The following ACTN4 variants were observed in gnomAD, a reference collection of about 807,000 sequenced individuals.
The protein encoded by ACTN4 is actinin alpha 4, also known as alpha-actinin-4.
A neutral mutation model predicts 114.2 loss-of-function variants in ACTN4; 18 were observed. The observed-to-expected ratio is 0.16, with a 90% CI of 0.11 to 0.23. ACTN4 has a LOEUF of 0.23. Ranked by LOEUF, ACTN4 falls within the 10% of genes least tolerant of loss-of-function variation. ACTN4 has a pLI of 1.00. For missense variants in ACTN4, 722 were observed against 1,262.9 expected (o/e 0.57, Z 6.49); for synonymous variants, 515 against 506.3 (o/e 1.02, Z -0.23).
At chr19:38,690,559 T>G (rs1967891511) in intron 1 of ACTN4, among the ~76,000 whole-genome samples, 1 of 152,174 alleles carries the variant, frequency 6.6e-6, no homozygotes. Context: ...GCCAAGAATG[T>G]TAGGTCAGAG....
chr19:38,728,691 C>G (rs1219103430), intron 19 of ACTN4, among the ~76,000 whole-genome samples: 1 of 152,230 alleles, frequency 6.6e-6, no homozygotes, highest in Non-Finnish European at 1.5e-5. Flanking sequence ...AGAGCTTACT[C>G]GTGAGCCTGG....
chr19:38,685,019 C>G (rs1212783633), intron 1 of ACTN4, among the ~76,000 whole-genome samples: 1 of 152,184 alleles, frequency 6.6e-6, no homozygotes, highest in Non-Finnish European at 1.5e-5. Context: ...GATCTCAGCT[C>G]ACTGCAACCT....
intron 1 of ACTN4, among the ~76,000 whole-genome samples, chr19:38,663,874 G>A (rs1370074439): frequency 6.6e-6 from 1 of 152,186 alleles, no homozygotes; most frequent in Non-Finnish European, 1.5e-5. Flanking sequence ...GTGGGAGGGG[G>A]TGCCTTCTGA....
At chr19:38,725,668 G>A (rs1345850547) in intron 16 of ACTN4, 56 bp from the exon 17 acceptor site, 11 of 1,586,830 alleles carry the variant, frequency 6.9e-6, no homozygotes, top group Non-Finnish European at 9.4e-6. Context: ...TCCTCCAGGT[G>A]GTCAGTGGGG....
rs551799686 is a variant in ACTN4, at chr19:38,727,140, C to T, written c.2337+37C>T. 6 of 1,613,120 alleles carry T rather than the reference C, an allele frequency of 3.7e-6. No individual in the cohort carries two copies. The African/African-American group carries it at 4.0e-5, about 11-fold the overall frequency. On this transcript the variant is annotated intron_variant, in intron 18 of 20. Coordinates refer to ENST00000252699, the MANE Select transcript of ACTN4 (RefSeq NM_004924.6). This position sits in a 1 kb window ranked among gnomAD's most constrained non-coding sequence, Gnocchi z 5.4. ...GCCACCTCCTCGGCCTCTCCCCTCC[C>T]GCCGTTGCCGTACCAGCCCACACCT...
intron 9 of ACTN4, among the ~76,000 whole-genome samples, chr19:38,715,689 C>A (rs1968815783): frequency 6.6e-6 from 1 of 152,156 alleles, no homozygotes; most frequent in Admixed American, 6.5e-5. Flanking sequence ...CCATCTGTTA[C>A]CACCAGCACT....
At chr19:38,720,064 C>G (rs1263235765) in intron 11 of ACTN4, among the ~76,000 whole-genome samples, 1 of 152,248 alleles carries the variant, frequency 6.6e-6, no homozygotes, top group Non-Finnish European at 1.5e-5. Flanking sequence ...AGCCTCTGTC[C>G]TCTCAAGTAG....
At chr19:38,728,677 C>A (rs924177223) in intron 19 of ACTN4, among the ~76,000 whole-genome samples, 4 of 152,230 alleles carry the variant, frequency 2.6e-5, no homozygotes, top group Admixed American at 1.3e-4. Context: ...CTTCCCCATC[C>A]TCCAGAGCTT....
At chr19:38,707,997 C>A in intron 5 of ACTN4, 120 bp from the exon 6 acceptor site, 1 of 1,035,768 alleles carries the variant, frequency 9.7e-7, no homozygotes, top group Non-Finnish European at 1.5e-6. Context: ...CCATGCAGTG[C>A]CTGGCACAGG....
rs1473100068 is a variant in ACTN4 at position 38,657,988 on chromosome 19, C to G, written c.162+10081C>G. 2.0e-5 allele frequency among the ~76,000 whole-genome samples: 3 copies of G among 152,198 alleles called. No individual in the cohort carries two copies. The East Asian group carries it at 5.8e-4, about 29-fold the overall frequency. On this transcript the variant is annotated intron_variant, in intron 1 of 20. Coordinates refer to ENST00000252699, the MANE Select transcript of ACTN4 (RefSeq NM_004924.6). ...TGCTATCACCATGGAAACCAAGTTG[C>G]TTACTTACTGTTTTGGGGAGTGCCC...
chr19:38,655,483 A>C (rs938102373), intron 1 of ACTN4, among the ~76,000 whole-genome samples: 4 of 151,926 alleles, frequency 2.6e-5, no homozygotes, highest in Admixed American at 1.3e-4. Flanking sequence ...ATAACCCTTA[A>C]AATTTTCCAT....
chr19:38,676,599 G>T (rs1286122837), intron 1 of ACTN4, among the ~76,000 whole-genome samples: 1 of 152,182 alleles, frequency 6.6e-6, no homozygotes, highest in South Asian at 2.1e-4. Context: ...CCTCCCACCC[G>T]GGCAGGGCCT....
At chr19:38,694,746 G>A (rs1033108961) in intron 1 of ACTN4, among the ~76,000 whole-genome samples, 2 of 152,024 alleles carry the variant, frequency 1.3e-5, no homozygotes, top group African/African-American at 4.8e-5. Context: ...GAGATATATC[G>A]CATGTGATCA....
intron 1 of ACTN4, among the ~76,000 whole-genome samples, chr19:38,687,416 A>G (rs181875847): frequency 1.3e-5 from 2 of 152,346 alleles, no homozygotes; most frequent in East Asian, 3.9e-4. Context: ...CCTTGAGGGA[A>G]TCTGTCTCAT....
intron 11 of ACTN4, among the ~76,000 whole-genome samples, chr19:38,718,725 C>G (rs1968930342): frequency 6.6e-6 from 1 of 152,294 alleles, no homozygotes; most frequent in African/African-American, 2.4e-5. Flanking sequence ...TCTGTTTGTC[C>G]CCTCTGCGTG....
Position 38,731,412 on chromosome 19 carries a change from G to A in ACTN4, c.*1980G>A, listed in dbSNP as rs750718225. On this transcript the variant is annotated 3_prime_UTR_variant, in exon 21 of 21. Coordinates refer to ENST00000252699, the MANE Select transcript of ACTN4 (RefSeq NM_004924.6). ...GGGCCTGTTTCCTCATCCATCAAAC[G>A]GACTAAGACAGCCCCGACCCCATAG... 3.8e-4 allele frequency: 236 copies of A among 617,154 alleles called. No individual in the cohort carries two copies. Among genetic ancestry groups the A allele is most frequent in the South Asian group, 2.3e-3 (129 of 55,480 alleles). The allele number at this position is 617,154 out of a possible 1,614,324, so 38.2% of individuals were successfully genotyped here. A position where few individuals can be genotyped will look rare whatever the true frequency, so the allele number is the denominator to read the frequency against.
intron 5 of ACTN4, 84 bp downstream of exon 5, chr19:38,706,215 G>A (rs1215048584): frequency 7.0e-7 from 1 of 1,434,140 alleles, no homozygotes; most frequent in African/African-American, 1.4e-5. Context: ...CTGTGTTTTT[G>A]TCGTGGTCTG....
At chr19:38,675,245 G>C (rs1967336497) in intron 1 of ACTN4, among the ~76,000 whole-genome samples, 1 of 152,182 alleles carries the variant, frequency 6.6e-6, no homozygotes, top group Non-Finnish European at 1.5e-5. Context: ...AAAGCATATG[G>C]GAGAGTACAG....
chr19:38,731,144 C>T lies in ACTN4; in HGVS notation c.*1712C>T. Reference sequence around the variant, plus strand: ...TGAGGTGGGCCACACAGGACACGAACCGCTCGAAGTCCACACGCAGACGGC... The same window carrying T: ...TGAGGTGGGCCACACAGGACACGAATCGCTCGAAGTCCACACGCAGACGGC... On this transcript the variant is annotated 3_prime_UTR_variant, in exon 21 of 21. Transcript: ENST00000252699. 6.2e-7 allele frequency: 1 copy of T among 1,613,056 alleles called. No individual in the cohort carries two copies. The highest frequency in any genetic ancestry group is 8.5e-7 in the Non-Finnish European group (1 of 1,179,968).
Sources: gnomAD v4.1 joint callset for allele counts (sites outside exome capture counted in the v4.1 genomes callset) on GRCh38, gnomAD v4.1.1 for gene constraint, Gnocchi (gnomAD v3.1) non-coding constraint, MANE v1.5 for transcripts, NCBI Gene and HGNC (gene_info 2026-07-23, HGNC 2026-07-21) for gene names.